Variants in COL4A3 observed in about 807,000 individuals in gnomAD.
COL4A3 encodes collagen type IV alpha 3 chain.
Under a neutral mutation model 217.4 loss-of-function variants are expected in COL4A3, and 135 were observed. The observed-to-expected ratio is 0.62, with a 90% CI of 0.54 to 0.72. The LOEUF is 0.72. Ranked by LOEUF, COL4A3 falls within the 30% of genes least tolerant of loss-of-function variation. The pLI, the probability that COL4A3 is intolerant of heterozygous loss-of-function variation, is 0.00. For synonymous variants in COL4A3, 690 were observed against 736.3 expected (o/e 0.94, Z 1.02); for missense variants, 1,868 against 2,119.9 (o/e 0.88, Z 2.33).
intron 1 of COL4A3, among the ~76,000 whole-genome samples, chr2:227,181,954 A>G (rs1476031819): frequency 1.3e-5 from 2 of 152,172 alleles, no homozygotes; most frequent in South Asian, 2.1e-4. Flanking sequence ...CCTAAATTCT[A>G]TCTTGTAAAT....
intron 1 of COL4A3, among the ~76,000 whole-genome samples, chr2:227,216,611 C>G (rs1005365481): frequency 6.6e-6 from 1 of 151,832 alleles, no homozygotes. Context: ...GAATCTTCCT[C>G]CAAAAAAAAA....
chr2:227,234,683 A>C (rs1574644150), intron 1 of COL4A3, among the ~76,000 whole-genome samples: 2 of 152,188 alleles, frequency 1.3e-5, no homozygotes, highest in East Asian at 3.8e-4. Context: ...TGAATATCTA[A>C]CTGCAGAGGC....
intron 1 of COL4A3, among the ~76,000 whole-genome samples, chr2:227,172,933 C>T (rs2065544080): frequency 6.6e-6 from 1 of 152,162 alleles, no homozygotes; most frequent in African/African-American, 2.4e-5. Flanking sequence ...AGACCCCACC[C>T]TCGTGACCTC....
chr2:227,283,957 TGA>T (rs2072155176), intron 33 of COL4A3, 101 bp downstream of exon 33: 1 of 1,128,206 alleles, frequency 8.9e-7, no homozygotes, highest in African/African-American at 1.5e-5. Context: ...AAAATAGTTC[TGA>T]GAGAGCAACA....
At chr2:227,255,892 C>A in intron 15 of COL4A3, 134 bp from the exon 16 acceptor site, 1 of 852,572 alleles carries the variant, frequency 1.2e-6, no homozygotes, top group South Asian at 1.5e-5. Context: ...CCTTCTAACA[C>A]CTGGGTGAAG....
At position 227,240,829 on chromosome 2, in the gene COL4A3, A is replaced by T. The variant is rs189186028; in HGVS notation, c.234+597A>T. ...GTTCATCTACTATTCAGTCCTTAGC[A>T]ATAATTTGCCTTCTACCACCTCTCC... On this transcript the variant is annotated intron_variant, in intron 3 of 51. Coordinates refer to ENST00000396578, the MANE Select transcript of COL4A3 (RefSeq NM_000091.5). 2.2e-3 allele frequency among the ~76,000 whole-genome samples: 332 copies of T among 152,348 alleles called. 7 individuals are homozygous for T. The highest frequency in any genetic ancestry group is 0.014 in the Admixed American group (207 of 15,302).
chr2:227,253,163 C>A lies in COL4A3; in HGVS notation c.646-133C>A, dbSNP rs1448204870. The A allele has an allele frequency of 2.6e-6, 2 of 769,888 alleles. No individual in the cohort carries two copies. The highest frequency in any genetic ancestry group is 4.3e-6 in the Non-Finnish European group (2 of 461,570). 47.7% of individuals were successfully genotyped at this position (769,888 alleles called of 1,614,324 possible). A position where few individuals can be genotyped will look rare whatever the true frequency, so the allele number is the denominator to read the frequency against. The stretch of plus-strand genomic sequence containing the variant: ...ATCAATGCTCTTCTCTAAGAAATAG[C>A]TAAAATATGTATCATTCTAAAATGA... On this transcript the variant is annotated intron_variant, in intron 11 of 51. Coordinates refer to ENST00000396578, the MANE Select transcript of COL4A3 (RefSeq NM_000091.5). This position sits in a 1 kb window ranked among gnomAD's most constrained non-coding sequence, Gnocchi z 4.4.
chr2:227,277,993 T>C (rs2071695588), intron 28 of COL4A3, among the ~76,000 whole-genome samples: 1 of 152,160 alleles, frequency 6.6e-6, no homozygotes, highest in African/African-American at 2.4e-5. Context: ...ATTAATTGAA[T>C]TTTTTAAAAC....
chr2:227,207,379 C>G (rs2125775672), intron 1 of COL4A3, among the ~76,000 whole-genome samples: 1 of 152,230 alleles, frequency 6.6e-6, no homozygotes, highest in Admixed American at 6.5e-5. Flanking sequence ...TTCTTCACTT[C>G]TTGTTTATTT....
intron 19 of COL4A3, among the ~76,000 whole-genome samples, chr2:227,260,391 C>T (rs1391431135): frequency 6.6e-6 from 1 of 152,182 alleles, no homozygotes; most frequent in Non-Finnish European, 1.5e-5. Context: ...ACCCTGGGAA[C>T]TTCTATAATG....
intron 1 of COL4A3, among the ~76,000 whole-genome samples, chr2:227,174,938 A>G (rs916789228): frequency 6.6e-5 from 10 of 152,242 alleles, no homozygotes; most frequent in Admixed American, 5.9e-4. Flanking sequence ...TGGAGTTAGA[A>G]GGCAGCAGCC....
rs1574846463 is a variant in COL4A3, at chr2:227,312,076, A to C, written c.*206A>C. The C allele has an allele frequency of 8.1e-6, 7 of 865,644 alleles. No individual in the cohort carries two copies. In the South Asian group the frequency reaches 1.1e-4, roughly 13 times the overall value. The allele number at this position is 865,644 out of a possible 1,614,324, so 53.6% of individuals were successfully genotyped here. A position where few individuals can be genotyped will look rare whatever the true frequency, so the allele number is the denominator to read the frequency against. On this transcript the variant is annotated 3_prime_UTR_variant, in exon 52 of 52. Transcript: ENST00000396578. ...GGGTCTCTAATCTGTGCTGTTTCAA[A>C]GTTCTCTGTGGCAAAGCAGCAACTA...
intron 26 of COL4A3, among the ~76,000 whole-genome samples, chr2:227,273,850 T>C (rs751714530): frequency 3.3e-5 from 5 of 152,238 alleles, no homozygotes; most frequent in Admixed American, 6.5e-5. Context: ...ATACTGGCCG[T>C]AGTTCTGGAT....
intron 6 of COL4A3, chr2:227,246,249 G>C: frequency 1.7e-6 from 1 of 574,122 alleles, no homozygotes; most frequent in African/African-American, 1.9e-5. Flanking sequence ...AGCTCAACTG[G>C]TTGTTTTCAT....
rs774014338 is a variant in COL4A3, at chr2:227,307,831, T to A, written c.4374T>A (p.Pro1458=). Residue 1458 remains proline, a synonymous_variant, in exon 48 of 52, where the codon CCT becomes CCA. Coordinates refer to ENST00000396578, the MANE Select transcript of COL4A3 (RefSeq NM_000091.5). The part of the protein sequence containing the change: ...FTRHSQTTAI[P]SCPEGTVPLY... ...GACACAGTCAAACCACAGCAATTCC[T>A]TCATGTCCAGAGGGGACAGTGCCAC... is the stretch of plus-strand genomic sequence containing the variant. The A allele has an allele frequency of 2.5e-6, 4 of 1,614,060 alleles. No individual in the cohort carries two copies. The highest frequency in any genetic ancestry group is 3.4e-6 in the Non-Finnish European group (4 of 1,180,020).
At chr2:227,182,609 A>T (rs970661486) in intron 1 of COL4A3, among the ~76,000 whole-genome samples, 2 of 152,218 alleles carry the variant, frequency 1.3e-5, no homozygotes, top group Admixed American at 1.3e-4. Flanking sequence ...CCTTATATCA[A>T]GTTGAGCAGT....
intron 43 of COL4A3, among the ~76,000 whole-genome samples, chr2:227,302,737 A>G (rs1643392712): frequency 6.8e-6 from 1 of 146,180 alleles, no homozygotes; most frequent in Non-Finnish European, 1.5e-5. Context: ...TACTCCATTT[A>G]GGACACAGAA....
intron 1 of COL4A3, among the ~76,000 whole-genome samples, chr2:227,236,022 C>G (rs1029957033): frequency 6.6e-6 from 1 of 152,004 alleles, no homozygotes; most frequent in East Asian, 1.9e-4. Context: ...GATCCGCCCC[C>G]CTGGGCCTCG....
chr2:227,293,058 C>T, intron 37 of COL4A3, 133 bp from the exon 38 acceptor site: 1 of 1,158,396 alleles, frequency 8.6e-7, no homozygotes, highest in Non-Finnish European at 1.2e-6. Context: ...GCACCTATCA[C>T]AGTGCTGGCA....
Sources: allele counts gnomAD v4.1 joint callset (sites outside exome capture counted in the v4.1 genomes callset), GRCh38; gene constraint gnomAD v4.1.1; non-coding constraint Gnocchi (gnomAD v3.1); transcripts MANE v1.5; gene names NCBI Gene and HGNC (gene_info 2026-07-23, HGNC 2026-07-21).